ADGRB3: variants seen among roughly 807,000 people sequenced by gnomAD.
ADGRB3 encodes the protein brain-specific angiogenesis inhibitor 3.
Under a neutral mutation model 193.4 loss-of-function variants are expected in ADGRB3, and 37 were observed. The observed-to-expected ratio is 0.19, with a 90% CI of 0.15 to 0.25. The LOEUF (loss-of-function observed/expected upper bound fraction) is 0.25. Ranked by LOEUF, ADGRB3 falls within the 10% of genes least tolerant of loss-of-function variation. The pLI is 1.00. For missense variants in ADGRB3, 1,637 were observed against 1,852.9 expected, an observed-to-expected ratio of 0.88 and a Z score of 2.14; for synonymous variants, 690 against 644.2, an observed-to-expected ratio of 1.07 and a Z score of -1.08.
intron 3 of ADGRB3, among the ~76,000 whole-genome samples, chr6:68,713,341 G>T (rs965403938): frequency 2.0e-5 from 3 of 151,720 alleles, no homozygotes; most frequent in South Asian, 4.1e-4. Flanking sequence ...ATATCTGGAC[G>T]ATTCCAACTT....
chr6:68,710,449 C>T (rs1765391026), intron 3 of ADGRB3, among the ~76,000 whole-genome samples: 1 of 152,106 alleles, frequency 6.6e-6, no homozygotes, highest in Non-Finnish European at 1.5e-5. Context: ...ATGACAAATG[C>T]CATCTGTTAT....
rs190175832 is a variant in ADGRB3 at position 69,075,670 on chromosome 6, G to T, written c.2437-325G>T. On this transcript the variant is annotated intron_variant, in intron 16 of 31. Coordinates refer to ENST00000370598, the MANE Select transcript of ADGRB3 (RefSeq NM_001704.3). ...TAAAGAAAGTAATCTAGCAACTAAT[G>T]TTTTAGAGACATAAGTATAAAATCA... 4.1e-4 allele frequency among the ~76,000 whole-genome samples: 63 copies of T among 152,196 alleles called. 1 individual carries two copies. Among genetic ancestry groups the T allele is most frequent in the Middle Eastern group, 6.8e-3 (2 of 294 alleles).
intron 3 of ADGRB3, among the ~76,000 whole-genome samples, chr6:68,738,494 T>C (rs901322962): frequency 5.9e-5 from 9 of 151,918 alleles, no homozygotes; most frequent in African/African-American, 2.2e-4. Flanking sequence ...AACCTAGGGG[T>C]GAAAATGACA....
chr6:69,003,667 ATAATATT>A (rs1256725224), intron 11 of ADGRB3, among the ~76,000 whole-genome samples: 1 of 152,164 alleles, frequency 6.6e-6, no homozygotes, highest in Non-Finnish European at 1.5e-5. Context: ...CACTTCCTAG[ATAATATT>A]TAAACCCCGC....
intron 3 of ADGRB3, among the ~76,000 whole-genome samples, chr6:68,829,470 T>G (rs1767913764): frequency 6.6e-6 from 1 of 152,038 alleles, no homozygotes; most frequent in Non-Finnish European, 1.5e-5. Context: ...CAAAGCAAAA[T>G]TAAGTCCTAA....
chr6:68,771,531 T>G (rs144692543), intron 3 of ADGRB3, among the ~76,000 whole-genome samples: 160 of 152,282 alleles, frequency 1.1e-3, no homozygotes, highest in African/African-American at 3.7e-3. Flanking sequence ...ATTCATTCAT[T>G]TAATGAATAT....
intron 3 of ADGRB3, among the ~76,000 whole-genome samples, chr6:68,700,823 G>C (rs1345347992): frequency 1.6e-5 from 2 of 127,720 alleles, no homozygotes; most frequent in Non-Finnish European, 3.2e-5. Flanking sequence ...GCCTGTCGTA[G>C]GGTGGGGGGA....
intron 17 of ADGRB3, among the ~76,000 whole-genome samples, chr6:69,166,536 A>G (rs1360723357): frequency 6.6e-6 from 1 of 152,088 alleles, no homozygotes; most frequent in African/African-American, 2.4e-5. Context: ...AGGTACATTC[A>G]CTCCTTGTTG....
chr6:68,716,825 C>A (rs935933579), intron 3 of ADGRB3, among the ~76,000 whole-genome samples: 1 of 151,590 alleles, frequency 6.6e-6, no homozygotes, highest in African/African-American at 2.4e-5. Context: ...TGCATCCAGG[C>A]AAAATGTTTT....
chr6:68,770,742 G>A (rs1050891573), intron 3 of ADGRB3, among the ~76,000 whole-genome samples: 1 of 152,056 alleles, frequency 6.6e-6, no homozygotes, highest in African/African-American at 2.4e-5. Context: ...GAAATTTGAG[G>A]TTTGAGGTGG....
At chr6:68,795,486 A>T (rs1350519836) in intron 3 of ADGRB3, among the ~76,000 whole-genome samples, 2 of 152,098 alleles carry the variant, frequency 1.3e-5, no homozygotes, top group African/African-American at 2.4e-5. Context: ...ACAATTGCAG[A>T]TTTCTCCTTA....
At chr6:69,039,077 A>G (rs557085795) in intron 13 of ADGRB3, among the ~76,000 whole-genome samples, 7 of 152,178 alleles carry the variant, frequency 4.6e-5, no homozygotes, top group Non-Finnish European at 8.8e-5. Context: ...GTCACTTAGT[A>G]GCCAGCATGT....
chr6:68,931,548 T>C (rs2051564081), intron 4 of ADGRB3, among the ~76,000 whole-genome samples: 1 of 152,146 alleles, frequency 6.6e-6, no homozygotes, highest in Admixed American at 6.6e-5. Flanking sequence ...TCTTAAAAAA[T>C]TGTATACATC....
In ADGRB3 at chr6:69,318,438, A is replaced by G. The variant is rs572820544; in HGVS notation, c.2815-6434A>G. 3.2e-4 allele frequency among the ~76,000 whole-genome samples: 48 copies of G among 151,498 alleles called. 2 individuals carry two copies. In the South Asian group the frequency reaches 1.0e-2, roughly 31 times the overall value. ...ATTACTGGACCCACTCTGATTTGAT[A>G]CTGATTTATTATCCTTTTACTGTAT... On this transcript the variant is annotated intron_variant, in intron 20 of 31. Transcript: ENST00000370598.
At chr6:69,126,501 T>C (rs1435104740) in intron 17 of ADGRB3, among the ~76,000 whole-genome samples, 1 of 152,056 alleles carries the variant, frequency 6.6e-6, no homozygotes, top group African/African-American at 2.4e-5. Context: ...AGTTAAAAAG[T>C]AGGAGGAACT....
intron 3 of ADGRB3, among the ~76,000 whole-genome samples, chr6:68,715,825 G>A (rs1289683213): frequency 6.6e-6 from 1 of 151,576 alleles, no homozygotes; most frequent in African/African-American, 2.4e-5. Flanking sequence ...AATAAAAAAG[G>A]AAACAATTTT....
chr6:69,047,094 C>G (rs752878591), intron 13 of ADGRB3, among the ~76,000 whole-genome samples: 2 of 152,094 alleles, frequency 1.3e-5, no homozygotes, highest in Non-Finnish European at 2.9e-5. Flanking sequence ...CTCCTGACCT[C>G]GTGATCCACC....
intron 30 of ADGRB3, among the ~76,000 whole-genome samples, chr6:69,377,396 T>C (rs565756888): frequency 1.6e-4 from 24 of 152,002 alleles, no homozygotes; most frequent in Non-Finnish European, 3.1e-4. Flanking sequence ...CTTCACCAAA[T>C]TGGATCATAG....
chr6:69,078,948 A>C (rs1042762427), intron 17 of ADGRB3, among the ~76,000 whole-genome samples: 1 of 152,084 alleles, frequency 6.6e-6, no homozygotes, highest in African/African-American at 2.4e-5. Flanking sequence ...GAATGTTTGC[A>C]TGTTTCGTAG....
Sources: gnomAD v4.1 joint callset for allele counts (sites outside exome capture counted in the v4.1 genomes callset) on GRCh38, gnomAD v4.1.1 for gene constraint, MANE v1.5 for transcripts, NCBI Gene and HGNC (gene_info 2026-07-23, HGNC 2026-07-21) for gene names.